BRINP2: variants seen among roughly 807,000 people sequenced by gnomAD.
BRINP2 encodes BMP/retinoic acid-inducible neural-specific protein 2.
A neutral mutation model predicts 69.2 loss-of-function variants in BRINP2; 21 were observed. That is an observed-to-expected ratio of 0.30 (90% CI 0.22 to 0.44). BRINP2 has a LOEUF of 0.44. Among genes scored for constraint, BRINP2 ranks in the 20% least tolerant of loss-of-function variants. The pLI, the probability that BRINP2 is intolerant of heterozygous loss-of-function variation, is 1.00. For missense variants in BRINP2, 877 were observed against 986.0 expected (o/e 0.89, Z 1.48); for synonymous variants, 380 against 394.1 (o/e 0.96, Z 0.42).
chr1:177,265,506 T>G (rs1467523394), intron 4 of BRINP2, among the ~76,000 whole-genome samples: 1 of 152,206 alleles, frequency 6.6e-6, no homozygotes, highest in Non-Finnish European at 1.5e-5. Flanking sequence ...TATTCTCAGC[T>G]CTTCTCCCTG....
At chr1:177,226,389 A>T (rs910270455) in intron 1 of BRINP2, among the ~76,000 whole-genome samples, 5 of 152,182 alleles carry the variant, frequency 3.3e-5, no homozygotes, top group African/African-American at 1.2e-4. Context: ...GTTAGGGAAG[A>T]TTATCAGTCC....
chr1:177,175,613 G>A (rs1164323278), intron 1 of BRINP2, among the ~76,000 whole-genome samples: 1 of 152,188 alleles, frequency 6.6e-6, no homozygotes, highest in African/African-American at 2.4e-5. Flanking sequence ...CATAGAGGAA[G>A]TTCCCATTGA....
intron 2 of BRINP2, among the ~76,000 whole-genome samples, chr1:177,240,583 T>C (rs1000973848): frequency 3.9e-5 from 6 of 152,198 alleles, no homozygotes; most frequent in Non-Finnish European, 8.8e-5. Context: ...GCCTGGTTCA[T>C]TGAGAAACTC....
chr1:177,223,067 G>C (rs531027996), intron 1 of BRINP2, among the ~76,000 whole-genome samples: 5 of 152,308 alleles, frequency 3.3e-5, no homozygotes, highest in African/African-American at 1.2e-4. Flanking sequence ...CTGGAAGGGA[G>C]GCTCCGGAGT....
chr1:177,275,788 G>A (rs1020244368), intron 5 of BRINP2, among the ~76,000 whole-genome samples: 2 of 152,164 alleles, frequency 1.3e-5, no homozygotes, highest in African/African-American at 4.8e-5. Flanking sequence ...GATGGCTACA[G>A]GAGGCAGGGC....
intron 1 of BRINP2, among the ~76,000 whole-genome samples, chr1:177,180,706 C>T (rs1648219791): frequency 6.6e-6 from 1 of 152,116 alleles, no homozygotes; most frequent in Non-Finnish European, 1.5e-5. Context: ...TCTTTCCTCA[C>T]CCACAAGTGT....
At chr1:177,189,149 T>C (rs1472815549) in intron 1 of BRINP2, among the ~76,000 whole-genome samples, 5 of 152,178 alleles carry the variant, frequency 3.3e-5, no homozygotes, top group African/African-American at 1.2e-4. Context: ...CTTATGATTA[T>C]ACATTGTATG....
chr1:177,201,541 AT>A (rs1175425124), intron 1 of BRINP2, among the ~76,000 whole-genome samples: 2 of 152,116 alleles, frequency 1.3e-5, no homozygotes, highest in South Asian at 4.1e-4. Flanking sequence ...AACACTGAAA[AT>A]TTTTTGCTTG....
In BRINP2 at chr1:177,278,658, C is replaced by CA; in HGVS notation, c.1109dup (p.His370GlnfsTer79). Reference sequence around the variant, plus strand: ...CTGGGCCATGGACACCAGCCTTCAGCACCGCTACCAGCAGCTGGGAGCTGG... The same window carrying CA: ...CTGGGCCATGGACACCAGCCTTCAGCAACCGCTACCAGCAGCTGGGAGCTGG... On this transcript the variant is annotated frameshift_variant, in exon 7 of 8. Transcript: ENST00000361539. LOFTEE classifies it high-confidence loss of function. 1 of 1,614,248 alleles carries CA rather than the reference C, an allele frequency of 6.2e-7. No homozygotes were observed. Among genetic ancestry groups the CA allele is most frequent in the South Asian group, 1.1e-5 (1 of 91,090 alleles).
chr1:177,224,054 T>C (rs1571913608), intron 1 of BRINP2, among the ~76,000 whole-genome samples: 1 of 152,230 alleles, frequency 6.6e-6, no homozygotes, highest in African/African-American at 2.4e-5. Flanking sequence ...AGATCTGAGC[T>C]GATAGCACCC....
At chr1:177,212,130 C>T (rs552315322) in intron 1 of BRINP2, among the ~76,000 whole-genome samples, 27 of 152,176 alleles carry the variant, frequency 1.8e-4, no homozygotes, top group Admixed American at 7.8e-4. Flanking sequence ...AATGTGGCCT[C>T]ATAGATTAGT....
intron 1 of BRINP2, among the ~76,000 whole-genome samples, chr1:177,227,150 T>G (rs2102323178): frequency 6.6e-6 from 1 of 152,230 alleles, no homozygotes; most frequent in East Asian, 1.9e-4. Context: ...CTGCCCATAC[T>G]CAAGGGGAGG....
At chr1:177,215,785 A>G (rs1444593690) in intron 1 of BRINP2, among the ~76,000 whole-genome samples, 1 of 152,076 alleles carries the variant, frequency 6.6e-6, no homozygotes, top group East Asian at 1.9e-4. Context: ...TTTAGAGGGA[A>G]GAGTTTCAAT....
chr1:177,200,316 A>AAAAAAAAAAAAAT (rs1175678666), intron 1 of BRINP2, among the ~76,000 whole-genome samples: 1 of 149,816 alleles, frequency 6.7e-6, no homozygotes, highest in Non-Finnish European at 1.5e-5. Context: ...AAAAAAAAAA[A>AAAAAAAAAAAAAT]AAAAAAGAAT....
chr1:177,234,385 G>A lies in BRINP2; in HGVS notation c.269+4240G>A, dbSNP rs146276978. On this transcript the variant is annotated intron_variant, in intron 2 of 7. Coordinates refer to ENST00000361539, the MANE Select transcript of BRINP2 (RefSeq NM_021165.4). ...GGTAAGTGCATCTTCATCATAACAC[G>A]CACCTACTCAGGCACCTAAATTGAG... is the stretch of plus-strand genomic sequence containing the variant. 3.7e-3 allele frequency among the ~76,000 whole-genome samples: 570 copies of A among 152,246 alleles called. 9 individuals are homozygous for A. The Middle Eastern group carries it at 0.068, about 18-fold the overall frequency.
At chr1:177,208,694 T>C (rs190614077) in intron 1 of BRINP2, among the ~76,000 whole-genome samples, 82 of 152,340 alleles carry the variant, frequency 5.4e-4, no homozygotes, top group African/African-American at 1.9e-3. Flanking sequence ...AGGTAAGATT[T>C]GATTTTAACA....
chr1:177,266,121 AAATAATAAT>A (rs55687261), intron 4 of BRINP2, among the ~76,000 whole-genome samples: 4 of 148,028 alleles, frequency 2.7e-5, no homozygotes, highest in Middle Eastern at 3.4e-3. Flanking sequence ...CTCCATCTCA[AAATAATAAT>A]AATAATAATA....
intron 4 of BRINP2, among the ~76,000 whole-genome samples, chr1:177,263,956 A>G (rs1651038372): frequency 6.6e-6 from 1 of 152,188 alleles, no homozygotes. Flanking sequence ...ACTTAAAACT[A>G]TGCTGAGTGA....
intron 1 of BRINP2, among the ~76,000 whole-genome samples, chr1:177,177,823 C>T (rs12071829): frequency 0.15 from 23,284 of 152,176 alleles, 3,574 homozygotes; most frequent in African/African-American, 0.4. Flanking sequence ...TAGTTTCAGG[C>T]ACATTGTAGA....
Sources: allele counts gnomAD v4.1 joint callset (sites outside exome capture counted in the v4.1 genomes callset), GRCh38; gene constraint gnomAD v4.1.1; transcripts MANE v1.5; gene names NCBI Gene and HGNC (gene_info 2026-07-23, HGNC 2026-07-21).